The following STK32C variants were observed in gnomAD, a reference collection of about 807,000 sequenced individuals.
The protein encoded by STK32C is serine/threonine-protein kinase 32C.
A neutral mutation model predicts 56.5 loss-of-function variants in STK32C; 31 were observed. The ratio of observed to expected loss-of-function variants is 0.55; its 90% CI spans 0.41 to 0.74. The LOEUF is 0.74. Ranked by LOEUF, STK32C falls within the 30% of genes least tolerant of loss-of-function variation. The pLI, the probability that STK32C is intolerant of heterozygous loss-of-function variation, is 0.00. For missense variants in STK32C, 544 were observed against 676.9 expected (o/e 0.80, Z 2.18); for synonymous variants, 309 against 289.4 (o/e 1.07, Z -0.69).
At chr10:132,324,433 C>A in intron 1 of STK32C, 1 of 717,704 alleles carries the variant, frequency 1.4e-6, no homozygotes, top group South Asian at 1.5e-5. Flanking sequence ...CAAGGAAGAG[C>A]AATGTATTTC....
chr10:132,267,053 CAAA>C (rs2064563629), intron 1 of STK32C, among the ~76,000 whole-genome samples: 2 of 152,192 alleles, frequency 1.3e-5, no homozygotes, highest in Non-Finnish European at 2.9e-5. Flanking sequence ...TGGGGAGACC[CAAA>C]GCTGGGTCAG....
intron 2 of STK32C, among the ~76,000 whole-genome samples, chr10:132,238,232 A>G (rs1590219288): frequency 1.3e-5 from 2 of 152,344 alleles, no homozygotes; most frequent in East Asian, 3.9e-4. Context: ...ACGGGAAGCT[A>G]CACAGCAGGT....
At chr10:132,258,849 G>C (rs1483875301) in intron 1 of STK32C, among the ~76,000 whole-genome samples, 1 of 152,268 alleles carries the variant, frequency 6.6e-6, no homozygotes, top group African/African-American at 2.4e-5. Flanking sequence ...AGGGCCTCCA[G>C]GGCATGGCCT....
chr10:132,225,924 T>C lies in STK32C; in HGVS notation c.645-140A>G, dbSNP rs2062873575. 3 of 1,111,546 alleles carry C rather than the reference T, an allele frequency of 2.7e-6. No homozygotes were observed. The Admixed American group carries it at 5.4e-5, about 20-fold the overall frequency. 68.9% of individuals were successfully genotyped at this position (1,111,546 alleles called of 1,614,324 possible). ...AGGCCTGGGAGCTTGACTTGGTCCT[T>C]GGATGATGCTAGGACCTCACACCCC... On this transcript the variant is annotated intron_variant, in intron 4 of 11. Coordinates refer to ENST00000298630, the MANE Select transcript of STK32C (RefSeq NM_173575.4).
chr10:132,227,948 T>C (rs1157902889), intron 3 of STK32C, 29 bp downstream of exon 3: 1 of 1,609,678 alleles, frequency 6.2e-7, no homozygotes, highest in Non-Finnish European at 8.5e-7. Context: ...ACGGTAAGTC[T>C]TTCTGCAGCG....
At position 132,228,187 on chromosome 10, in the gene STK32C, C is replaced by T. The variant is rs773150093; in HGVS notation, c.319-59G>A. ...GAGGACGCCTGGGGACACGTGGGGACACCTGGAAATGCATGGGGATGCCTG... is the reference window on the plus strand; with the variant it reads ...GAGGACGCCTGGGGACACGTGGGGATACCTGGAAATGCATGGGGATGCCTG... On this transcript the variant is annotated intron_variant, in intron 2 of 11. Transcript: ENST00000298630. 8 of 1,611,190 alleles carry T rather than the reference C, an allele frequency of 5.0e-6. No homozygotes were observed. In the African/African-American group the frequency reaches 1.1e-4, roughly 22 times the overall value.
intron 11 of STK32C, among the ~76,000 whole-genome samples, chr10:132,208,567 T>G (rs767815293): frequency 8.5e-5 from 13 of 152,154 alleles, no homozygotes; most frequent in Admixed American, 6.5e-5. Flanking sequence ...GAGGCCCTCC[T>G]TGCCCCGTGC....
At chr10:132,294,205 A>G (rs2065663829) in intron 1 of STK32C, among the ~76,000 whole-genome samples, 1 of 151,628 alleles carries the variant, frequency 6.6e-6, no homozygotes, top group African/African-American at 2.4e-5. Context: ...GAGCCCCAGC[A>G]CGGCAGAGTC....
At chr10:132,231,933 C>T (rs1303161882) in intron 2 of STK32C, among the ~76,000 whole-genome samples, 2 of 152,256 alleles carry the variant, frequency 1.3e-5, no homozygotes, top group Non-Finnish European at 2.9e-5. Context: ...TCTCAGGCTT[C>T]CCATCTCCAG....
chr10:132,210,437 G>A (rs532172794), intron 10 of STK32C, among the ~76,000 whole-genome samples: 16 of 152,310 alleles, frequency 1.1e-4, no homozygotes, highest in African/African-American at 2.6e-4. Flanking sequence ...TTGTAGAGAC[G>A]GGGTTTCACC....
At position 132,219,578 on chromosome 10, in the gene STK32C, C is replaced by G. The variant is rs186362122; in HGVS notation, c.1251+3063G>C. 4.8e-3 allele frequency among the ~76,000 whole-genome samples: 737 copies of G among 152,312 alleles called. 3 individuals are homozygous for G. Among genetic ancestry groups the G allele is most frequent in the South Asian group, 0.033 (160 of 4,818 alleles). Reference sequence around the variant, plus strand: ...ATCCAATGGGGGCAATGCCAAAGAACCCCCAACCCCGAGAACCTTCCAACC... The same window carrying G: ...ATCCAATGGGGGCAATGCCAAAGAAGCCCCAACCCCGAGAACCTTCCAACC... On this transcript the variant is annotated intron_variant, in intron 10 of 11. Coordinates refer to ENST00000298630, the MANE Select transcript of STK32C (RefSeq NM_173575.4).
At chr10:132,274,633 C>T (rs561511352) in intron 1 of STK32C, among the ~76,000 whole-genome samples, 6 of 152,202 alleles carry the variant, frequency 3.9e-5, no homozygotes, top group Non-Finnish European at 7.4e-5. Context: ...GAGCCACGGA[C>T]GCCGGATCCT....
Position 132,226,953 on chromosome 10 carries a change from G to A in STK32C, c.486C>T (p.Asp162=), listed in dbSNP as rs377335124. 3.5e-5 allele frequency: 56 copies of A among 1,613,200 alleles called. No individual in the cohort carries two copies. Among genetic ancestry groups the A allele is most frequent in the African/African-American group, 2.9e-4 (22 of 74,942 alleles). The change falls in exon 4 of 12, where the codon GAC becomes GAT. Residue 162 remains aspartate (D), a synonymous_variant. Transcript: ENST00000298630. ...FLVNLWYSFQ[D]EEDMFMVVDL... ...CCACGACCATGAACATGTCCTCCTCGTCCTGGAAGGAGTACCTGTGGGCAC... is the reference window on the plus strand; with the variant it reads ...CCACGACCATGAACATGTCCTCCTCATCCTGGAAGGAGTACCTGTGGGCAC...
Position 132,255,314 on chromosome 10 carries a change from G to A in STK32C, c.263-9359C>T, listed in dbSNP as rs539262847. 3.3e-5 allele frequency among the ~76,000 whole-genome samples: 5 copies of A among 152,222 alleles called. No individual in the cohort carries two copies. In the South Asian group the frequency reaches 6.2e-4, roughly 19 times the overall value. On this transcript the variant is annotated intron_variant, in intron 1 of 11. Transcript: ENST00000298630. This position sits in a 1 kb window ranked among gnomAD's most constrained non-coding sequence, Gnocchi z 4.6. ...CAGGTGGAAGAGTTGGAACCGGCCCGATAGCTCCTCCTGGCAATGGGTGCC... is the reference window on the plus strand; with the variant it reads ...CAGGTGGAAGAGTTGGAACCGGCCCAATAGCTCCTCCTGGCAATGGGTGCC...
At chr10:132,321,095 G>C (rs893671978), downstream of STK32C, among the ~76,000 whole-genome samples, 2 of 152,188 alleles carry the variant, frequency 1.3e-5, no homozygotes, top group Non-Finnish European at 2.9e-5. Context: ...GATGGAACAC[G>C]GTGAGGCCTG....
intron 8 of STK32C, 128 bp downstream of exon 8, chr10:132,224,279 G>A: frequency 2.8e-6 from 2 of 709,824 alleles, no homozygotes; most frequent in Non-Finnish European, 4.9e-6. Flanking sequence ...ACAGGTTGCA[G>A]TGAAGGGATC....
intron 1 of STK32C, among the ~76,000 whole-genome samples, chr10:132,304,800 C>G (rs1031099257): frequency 5.9e-5 from 9 of 152,252 alleles, no homozygotes; most frequent in Non-Finnish European, 1.3e-4. Flanking sequence ...CCCGGCCCGG[C>G]GCCCAGGGCG....
intron 2 of STK32C, among the ~76,000 whole-genome samples, chr10:132,232,317 A>G (rs1238688437): frequency 6.6e-6 from 1 of 152,172 alleles, no homozygotes; most frequent in Non-Finnish European, 1.5e-5. Context: ...GATTAAGTCA[A>G]TCACATCAAA....
rs372077322 is a variant in STK32C, at chr10:132,226,774, C to T, written c.644+21G>A. The T allele has an allele frequency of 1.6e-5, 26 of 1,607,374 alleles. No individual in the cohort carries two copies. In the African/African-American group the frequency reaches 2.8e-4, roughly 17 times the overall value. ...CCCCGCCCACCTCAGCAGGTACCTG[C>T]GCCGTCTGCCACGCACACACCTGTG... On this transcript the variant is annotated intron_variant, in intron 4 of 11. Transcript: ENST00000298630.
Sources: gnomAD v4.1 joint callset for allele counts (sites outside exome capture counted in the v4.1 genomes callset) on GRCh38, gnomAD v4.1.1 for gene constraint, Gnocchi (gnomAD v3.1) non-coding constraint, MANE v1.5 for transcripts, NCBI Gene and HGNC (gene_info 2026-07-23, HGNC 2026-07-21) for gene names.